The following FRMD4A variants were observed in gnomAD, a reference collection of about 807,000 sequenced individuals.
The protein encoded by FRMD4A is FERM domain-containing protein 4A.
In FRMD4A, 29 loss-of-function variants were observed where a neutral mutation model predicts 129.1. That is an observed-to-expected ratio of 0.22 (90% confidence interval 0.17 to 0.31). The LOEUF is 0.31. Ranked by LOEUF, FRMD4A falls within the 10% of genes least tolerant of loss-of-function variation. The pLI, the probability that FRMD4A is intolerant of heterozygous loss-of-function variation, is 1.00. For synonymous variants in FRMD4A, 634 were observed against 571.6 expected (o/e 1.11, Z -1.56); for missense variants, 1,272 against 1,375.8 (o/e 0.92, Z 1.19).
intron 2 of FRMD4A, among the ~76,000 whole-genome samples, chr10:14,143,592 G>T (rs745814233): frequency 6.6e-6 from 1 of 152,158 alleles, no homozygotes; most frequent in Non-Finnish European, 1.5e-5. Context: ...ACTTAAGATG[G>T]TTACAATAGT....
intron 7 of FRMD4A, 71 bp downstream of exon 7, chr10:13,762,553 C>A: frequency 1.2e-6 from 1 of 865,752 alleles, no homozygotes. Context: ...ACTGGCTATG[C>A]CTGGTAAGTC....
At chr10:13,901,867 G>A (rs545123740) in intron 2 of FRMD4A, among the ~76,000 whole-genome samples, 3 of 152,108 alleles carry the variant, frequency 2.0e-5, no homozygotes, top group Non-Finnish European at 4.4e-5. Context: ...GACTTGGGAG[G>A]CAATGATTTC....
Position 14,135,822 on chromosome 10 carries a change from C to T in FRMD4A, c.45+194236G>A, listed in dbSNP as rs561442260. ...ATTTTATTTTGCGGGATCTACTTCC[C>T]GCAAATAGAACATTGGACTGAATAC... On this transcript the variant is annotated intron_variant, in intron 2 of 24. Coordinates refer to ENST00000357447, the MANE Select transcript of FRMD4A (RefSeq NM_018027.5). Among the ~76,000 whole-genome samples the T allele has an allele frequency of 3.3e-5, 5 of 152,074 alleles. No homozygotes were observed. In the South Asian group the frequency reaches 6.2e-4, roughly 19 times the overall value.
At chr10:14,166,674 T>A (rs1192246251) in intron 2 of FRMD4A, among the ~76,000 whole-genome samples, 1 of 152,214 alleles carries the variant, frequency 6.6e-6, no homozygotes, top group Non-Finnish European at 1.5e-5. Context: ...CAATGCTGGT[T>A]ATTATTACTC....
intron 2 of FRMD4A, among the ~76,000 whole-genome samples, chr10:14,189,597 G>A (rs1358570684): frequency 1.3e-5 from 2 of 152,040 alleles, no homozygotes; most frequent in Admixed American, 1.3e-4. Flanking sequence ...AGAGGAGGAA[G>A]ATAATGAATA....
chr10:13,747,661 G>A (rs1224350854), intron 9 of FRMD4A, 75 bp downstream of exon 9: 1 of 783,674 alleles, frequency 1.3e-6, no homozygotes, highest in African/African-American at 1.7e-5. Flanking sequence ...GTGGAGGGAG[G>A]GTACATTCAG....
At chr10:13,836,180 T>C (rs1468429342) in intron 3 of FRMD4A, among the ~76,000 whole-genome samples, 6 of 152,224 alleles carry the variant, frequency 3.9e-5, no homozygotes, top group Admixed American at 3.3e-4. Flanking sequence ...GTATTTGTAG[T>C]AGAGACGGGG....
intron 2 of FRMD4A, among the ~76,000 whole-genome samples, chr10:13,865,987 T>C (rs2094362603): frequency 6.6e-6 from 1 of 152,086 alleles, no homozygotes; most frequent in Non-Finnish European, 1.5e-5. Context: ...TTTTTTAGTC[T>C]AGTTACCAAT....
At chr10:14,185,469 A>C (rs192455582) in intron 2 of FRMD4A, among the ~76,000 whole-genome samples, 3 of 152,254 alleles carry the variant, frequency 2.0e-5, no homozygotes, top group Non-Finnish European at 4.4e-5. Context: ...AGTACAAAAA[A>C]CATTACAACA....
intron 2 of FRMD4A, among the ~76,000 whole-genome samples, chr10:14,240,953 A>G (rs1168419202): frequency 6.6e-6 from 1 of 151,654 alleles, no homozygotes. Flanking sequence ...TTGTATTCAG[A>G]TGCATCAGCA....
In FRMD4A at chr10:14,184,864, T is replaced by C. The variant is rs116872591; in HGVS notation, c.45+145194A>G. Among the ~76,000 whole-genome samples, 81 of 152,344 alleles carry C rather than the reference T, an allele frequency of 5.3e-4. No homozygotes were observed. In the East Asian group the frequency reaches 0.011, roughly 20 times the overall value. On this transcript the variant is annotated intron_variant, in intron 2 of 24. Transcript: ENST00000357447. ...GATATCCTTACCACATCTTCGTGCA[T>C]GGCCTGCCCGGATACAACTGCGTGG...
chr10:14,086,787 C>T (rs571782288), intron 2 of FRMD4A, among the ~76,000 whole-genome samples: 1 of 152,100 alleles, frequency 6.6e-6, no homozygotes, highest in Admixed American at 6.5e-5. Flanking sequence ...CACCACTGAG[C>T]GGACTCATTC....
intron 3 of FRMD4A, among the ~76,000 whole-genome samples, chr10:13,855,553 C>G (rs538229129): frequency 1.3e-5 from 2 of 152,212 alleles, no homozygotes; most frequent in Admixed American, 6.5e-5. Context: ...TCTTTCCCAC[C>G]CATCCCCATT....
At chr10:13,778,164 A>G (rs1162406720) in intron 6 of FRMD4A, among the ~76,000 whole-genome samples, 4 of 152,010 alleles carry the variant, frequency 2.6e-5, no homozygotes, top group Non-Finnish European at 5.9e-5. Flanking sequence ...TTCGCTGCCC[A>G]AGGCTGCCAC....
chr10:13,872,002 G>A (rs778298994), intron 2 of FRMD4A, among the ~76,000 whole-genome samples: 11 of 152,252 alleles, frequency 7.2e-5, no homozygotes, highest in Non-Finnish European at 1.6e-4. Context: ...CTTCACCAAC[G>A]TGGCCTCCTT....
intron 2 of FRMD4A, among the ~76,000 whole-genome samples, chr10:14,276,251 A>T (rs756409635): frequency 1.3e-4 from 20 of 152,106 alleles, no homozygotes; most frequent in Non-Finnish European, 2.4e-4. Context: ...TGCCTGTGAC[A>T]CTGGCCATGA....
chr10:13,774,764 G>A (rs945729346), intron 6 of FRMD4A, among the ~76,000 whole-genome samples: 4 of 152,102 alleles, frequency 2.6e-5, no homozygotes, highest in African/African-American at 9.7e-5. Flanking sequence ...GCAGACAACT[G>A]AGGAAGCCTC....
chr10:13,995,309 C>T (rs540419136), intron 2 of FRMD4A, among the ~76,000 whole-genome samples: 30 of 152,280 alleles, frequency 2.0e-4, no homozygotes, highest in Non-Finnish European at 3.1e-4. Flanking sequence ...CTGGGCTGGG[C>T]GTGGTGGATC....
chr10:13,886,013 G>A (rs1267656037), intron 2 of FRMD4A, among the ~76,000 whole-genome samples: 1 of 152,110 alleles, frequency 6.6e-6, no homozygotes, highest in East Asian at 1.9e-4. Context: ...TAGACTCTCC[G>A]GCTATTGGTA....
Sources: gnomAD v4.1 joint callset for allele counts (sites outside exome capture counted in the v4.1 genomes callset) on GRCh38, gnomAD v4.1.1 for gene constraint, MANE v1.5 for transcripts, NCBI Gene and HGNC (gene_info 2026-07-23, HGNC 2026-07-21) for gene names.